Variants in MME observed in about 807,000 individuals in gnomAD.
MME encodes membrane metalloendopeptidase.
A neutral mutation model predicts 113.2 loss-of-function variants in MME; 98 were observed. That is an observed-to-expected ratio of 0.87 (90% CI 0.74 to 1.02). The LOEUF is 1.02. Ranked by LOEUF, MME falls within the 50% of genes least tolerant of loss-of-function variation. MME has a pLI of 0.00. For synonymous variants in MME, 292 were observed against 300.6 expected, an observed-to-expected ratio of 0.97 and a Z score of 0.30; for missense variants, 836 against 896.0, an observed-to-expected ratio of 0.93 and a Z score of 0.86.
At chr3:155,156,076 A>G (rs1022238383) in intron 16 of MME, among the ~76,000 whole-genome samples, 2 of 152,190 alleles carry the variant, frequency 1.3e-5, no homozygotes, top group East Asian at 1.9e-4. Flanking sequence ...TAACAACCAT[A>G]TGCAACAATA....
intron 1 of MME, among the ~76,000 whole-genome samples, chr3:155,045,867 A>G (rs1713540277): frequency 6.6e-6 from 1 of 152,130 alleles, no homozygotes; most frequent in African/African-American, 2.4e-5. Flanking sequence ...TGAACATTTA[A>G]AAGTATGAGT....
At chr3:155,038,014 G>A (rs924544929) in intron 1 of MME, among the ~76,000 whole-genome samples, 4 of 152,150 alleles carry the variant, frequency 2.6e-5, no homozygotes, top group African/African-American at 7.2e-5. Flanking sequence ...ATAGTCTAAT[G>A]AAAGAGAAAA....
chr3:155,142,171 T>C (rs1301811053), intron 11 of MME, 44 bp downstream of exon 11: 1 of 1,613,538 alleles, frequency 6.2e-7, no homozygotes, highest in Non-Finnish European at 8.5e-7. Context: ...TTGCATTTCA[T>C]ATCACTCTTC....
At chr3:155,057,690 A>ATTTT (rs11398419) in intron 1 of MME, among the ~76,000 whole-genome samples, 19 of 134,906 alleles carry the variant, frequency 1.4e-4, no homozygotes, top group African/African-American at 3.0e-4. Context: ...TCTGGCATTC[A>ATTTT]TTTTTTTTTT....
rs112862687 is a variant in MME, at chr3:155,046,848, G to A, written c.-11+22524G>A. Among the ~76,000 whole-genome samples, 135 of 151,752 alleles carry A rather than the reference G, an allele frequency of 8.9e-4. 1 individual carries two copies. Among genetic ancestry groups the A allele is most frequent in the African/African-American group, 3.1e-3 (128 of 41,096 alleles). The stretch of plus-strand genomic sequence containing the variant: ...TAAACAGTTGTAAAAATAGAAAAAA[G>A]TTTAGAGGATAAGGTTCTAAAGAAA... On this transcript the variant is annotated intron_variant, in intron 1 of 22. Transcript: ENST00000492661.
intron 1 of MME, among the ~76,000 whole-genome samples, chr3:155,063,809 T>C (rs765875567): frequency 2.7e-5 from 4 of 149,718 alleles, no homozygotes; most frequent in Non-Finnish European, 5.9e-5. Context: ...AAAGGGTTTA[T>C]ATGGTCTCTT....
At chr3:155,078,156 T>C (rs1047548610), upstream of MME, among the ~76,000 whole-genome samples, 1 of 151,902 alleles carries the variant, frequency 6.6e-6, no homozygotes, top group Non-Finnish European at 1.5e-5. Context: ...GGAGAATCGC[T>C]TGAACCCAGG....
chr3:155,138,252 T>G lies in MME; in HGVS notation c.855+16T>G, dbSNP rs1720793115. 1.2e-6 allele frequency: 2 copies of G among 1,612,182 alleles called. No individual in the cohort carries two copies. Among genetic ancestry groups the G allele is most frequent in the African/African-American group, 2.7e-5 (2 of 74,838 alleles). ...AATTGCCAATGTAAAACACATTTTTTTTTCTGATACACTGAATAATGTCAA... is the reference window on the plus strand; with the variant it reads ...AATTGCCAATGTAAAACACATTTTTGTTTCTGATACACTGAATAATGTCAA... On this transcript the variant is annotated intron_variant, in intron 9 of 22. Transcript: ENST00000360490.
chr3:155,165,198 A>G (rs1723005745), intron 17 of MME, among the ~76,000 whole-genome samples: 1 of 152,172 alleles, frequency 6.6e-6, no homozygotes, highest in Admixed American at 6.6e-5. Flanking sequence ...GTTTTAAGCC[A>G]TTAAAGATAG....
chr3:155,104,868 A>G (rs746085467), intron 3 of MME, among the ~76,000 whole-genome samples: 1 of 152,238 alleles, frequency 6.6e-6, no homozygotes, highest in Admixed American at 6.5e-5. Flanking sequence ...TATTGTATTT[A>G]AATTACAGTA....
chr3:155,062,215 A>C (rs1714173729), intron 1 of MME, among the ~76,000 whole-genome samples: 1 of 151,976 alleles, frequency 6.6e-6, no homozygotes, highest in Non-Finnish European at 1.5e-5. Context: ...CTATCTACTT[A>C]CCTTTGCATT....
At position 155,166,961 on chromosome 3, in the gene MME, A is replaced by T; in HGVS notation, c.1720A>T (p.Asn574Tyr). The stretch of plus-strand genomic sequence containing the variant: ...TAGTGCCCAGCAGTCCAACTCATTG[A>T]ACTATGGGGGCATCGGCATGGTCAT... Reference protein sequence around the residue: ...FFSAQQSNSLNYGGIGMVIGH... With the variant: ...FFSAQQSNSLYYGGIGMVIGH... Residue 574 changes from asparagine (N) to tyrosine (Y), a missense_variant, in exon 18 of 23, where the codon AAC becomes TAC. Physicochemically the swap from Asn to Tyr is moderately radical, Grantham distance 143. Transcript: ENST00000360490. 6.2e-7 allele frequency: 1 copy of T among 1,613,688 alleles called. No individual in the cohort carries two copies. The highest frequency in any genetic ancestry group is 8.5e-7 in the Non-Finnish European group (1 of 1,179,732).
chr3:155,172,621 A>C lies in MME; in HGVS notation c.2153+9A>C, dbSNP rs1299312039. 2 of 1,602,780 alleles carry C rather than the reference A, an allele frequency of 1.2e-6. No individual in the cohort carries two copies. The highest frequency in any genetic ancestry group is 3.3e-5 in the Admixed American group (2 of 59,942). On this transcript the variant is annotated intron_variant, in intron 22 of 22. Coordinates refer to ENST00000360490, the MANE Select transcript of MME (RefSeq NM_007289.4). ...AGTCCAGGCAATTTCAGGTGCGTGG[A>C]TATGAACAGCAATCAAGGTGCTCTT...
At chr3:155,118,668 A>T in intron 7 of MME, 78 bp from the exon 8 acceptor site, 1 of 920,374 alleles carries the variant, frequency 1.1e-6, no homozygotes, top group Non-Finnish European at 1.7e-6. Context: ...TCACATACAT[A>T]GATAGACATG....
chr3:155,066,581 G>T (rs960256775), intron 1 of MME, among the ~76,000 whole-genome samples: 1 of 152,108 alleles, frequency 6.6e-6, no homozygotes, highest in African/African-American at 2.4e-5. Flanking sequence ...AATAACTTTT[G>T]ATGAATCTGA....
At chr3:155,093,245 C>T (rs1005296336) in intron 3 of MME, among the ~76,000 whole-genome samples, 1 of 152,066 alleles carries the variant, frequency 6.6e-6, no homozygotes, top group Non-Finnish European at 1.5e-5. Context: ...TAAATAAACT[C>T]AAGCTTTTTA....
intron 15 of MME, among the ~76,000 whole-genome samples, chr3:155,147,929 G>T (rs554587142): frequency 6.6e-6 from 1 of 152,232 alleles, no homozygotes; most frequent in Admixed American, 6.5e-5. Context: ...GAAGAAACTT[G>T]ACTTTTTCTT....
At chr3:155,033,996 T>C (rs17442246) in intron 1 of MME, among the ~76,000 whole-genome samples, 6,648 of 152,202 alleles carry the variant, frequency 0.044, 161 homozygotes, top group African/African-American at 0.052. Flanking sequence ...TTATCTCAAT[T>C]AATATATGCA....
intron 8 of MME, among the ~76,000 whole-genome samples, chr3:155,133,056 A>AT (rs1466261014): frequency 1.4e-4 from 12 of 85,310 alleles, no homozygotes; most frequent in African/African-American, 5.4e-4. Flanking sequence ...AAAAAAAAAA[A>AT]AAAAAAATAT....
Sources: gnomAD v4.1 joint callset for allele counts (sites outside exome capture counted in the v4.1 genomes callset) on GRCh38, gnomAD v4.1.1 for gene constraint, MANE v1.5 for transcripts, NCBI Gene and HGNC (gene_info 2026-07-23, HGNC 2026-07-21) for gene names.